PCDHGC5: variants seen among roughly 807,000 people sequenced by gnomAD.
The protein encoded by PCDHGC5 is protocadherin gamma subfamily C, 5, also known as protocadherin gamma-C5.
Under a neutral mutation model 59.0 loss-of-function variants are expected in PCDHGC5, and 25 were observed. The ratio of observed to expected loss-of-function variants is 0.42; its 90% CI spans 0.31 to 0.59. The LOEUF (loss-of-function observed/expected upper bound fraction) is 0.59, where lower values mean the gene tolerates loss of function less well. PCDHGC5 is among the 20% of genes least tolerant of loss of function. The pLI is 0.13. For synonymous variants in PCDHGC5, 434 were observed against 505.5 expected (o/e 0.86, Z 1.90); for missense variants, 1,067 against 1,206.4 (o/e 0.88, Z 1.71).
intron 1 of PCDHGC5, among the ~76,000 whole-genome samples, chr5:141,494,498 C>G (rs2099754760): frequency 6.6e-6 from 1 of 152,138 alleles, no homozygotes; most frequent in African/African-American, 2.4e-5. Flanking sequence ...GCCTTCAGTC[C>G]TTGAATTTTG....
At chr5:141,506,237 T>G (rs558256375) in intron 3 of PCDHGC5, among the ~76,000 whole-genome samples, 1 of 152,014 alleles carries the variant, frequency 6.6e-6, no homozygotes, top group South Asian at 2.1e-4. Flanking sequence ...GATCATGAGG[T>G]CAGGAGTTCG....
At chr5:141,506,308 G>A (rs941724820) in intron 3 of PCDHGC5, among the ~76,000 whole-genome samples, 8 of 152,100 alleles carry the variant, frequency 5.3e-5, no homozygotes. Flanking sequence ...AATTAGCTGG[G>A]CATGGTGGTG....
chr5:141,510,272 TAAA>T (rs546154379), intron 3 of PCDHGC5, among the ~76,000 whole-genome samples: 2 of 130,370 alleles, frequency 1.5e-5, no homozygotes, highest in Non-Finnish European at 3.3e-5. Context: ...GACTCCATCT[TAAA>T]AAAAAAAAAA....
chr5:141,510,359 T>A (rs1229932307), intron 3 of PCDHGC5, among the ~76,000 whole-genome samples: 3 of 143,318 alleles, frequency 2.1e-5, no homozygotes, highest in African/African-American at 7.7e-5. Flanking sequence ...CTAACGGAAC[T>A]ACCGAATCTC....
chr5:141,489,483 T>G lies in PCDHGC5; in HGVS notation c.243T>G (p.Ser81Arg). 1.9e-6 allele frequency: 3 copies of G among 1,613,980 alleles called. No individual in the cohort carries two copies. The highest frequency in any genetic ancestry group is 2.5e-6 in the Non-Finnish European group (3 of 1,180,008). ...NGRYFSLSLMSGALAVNQKID... is the reference protein window; with the variant it reads ...NGRYFSLSLMRGALAVNQKID... ...GCTATTTTTCCCTGAGCTTGATGAG[T>G]GGTGCCCTGGCAGTGAATCAAAAGA... Residue 81 changes from serine to arginine, a missense_variant, in exon 1 of 4, where the codon AGT becomes AGG. Ser to Arg is a moderately radical substitution (Grantham distance 110). Coordinates refer to ENST00000252087, the MANE Select transcript of PCDHGC5 (RefSeq NM_018929.3). This position sits in a 1 kb window ranked among gnomAD's most constrained non-coding sequence, Gnocchi z 4.5.
At chr5:141,504,340 G>C (rs1240423982) in intron 2 of PCDHGC5, among the ~76,000 whole-genome samples, 1 of 152,062 alleles carries the variant, frequency 6.6e-6, no homozygotes, top group Non-Finnish European at 1.5e-5. Flanking sequence ...CAAGTGCTAG[G>C]CTTTGTGCTA....
intron 1 of PCDHGC5, among the ~76,000 whole-genome samples, chr5:141,492,968 C>T: frequency 6.6e-6 from 1 of 152,240 alleles, no homozygotes; most frequent in East Asian, 1.9e-4. Flanking sequence ...GACACTCTAA[C>T]AAGTCCTGTC....
At chr5:141,509,376 C>A (rs2099876528) in intron 3 of PCDHGC5, among the ~76,000 whole-genome samples, 1 of 152,122 alleles carries the variant, frequency 6.6e-6, no homozygotes, top group African/African-American at 2.4e-5. Flanking sequence ...TTAACTGTCT[C>A]CTAACCACAG....
chr5:141,497,730 G>T (rs13182286), intron 2 of PCDHGC5, among the ~76,000 whole-genome samples: 247 of 152,136 alleles, frequency 1.6e-3, no homozygotes, highest in Non-Finnish European at 2.8e-3. Flanking sequence ...AGTAGAGATG[G>T]GTTTCGCCAC....
At chr5:141,504,502 G>A (rs2099838821) in intron 2 of PCDHGC5, among the ~76,000 whole-genome samples, 1 of 152,128 alleles carries the variant, frequency 6.6e-6, no homozygotes, top group Non-Finnish European at 1.5e-5. Context: ...CCCAGTCTGA[G>A]TGGATCTCCT....
At position 141,489,515 on chromosome 5, in the gene PCDHGC5, G is replaced by T; in HGVS notation, c.275G>T (p.Arg92Leu). ...GALAVNQKID[R>L]ESLCGASTSC... ...CTGGCAGTGAATCAAAAGATTGACC[G>T]AGAAAGCCTATGTGGAGCCAGCACC... Residue 92 changes from arginine to leucine, a missense_variant, in exon 1 of 4, where the codon CGA becomes CTA. Coordinates refer to ENST00000252087, the MANE Select transcript of PCDHGC5 (RefSeq NM_018929.3). This position sits in a 1 kb window ranked among gnomAD's most constrained non-coding sequence, Gnocchi z 4.5. 4.3e-6 allele frequency: 7 copies of T among 1,614,104 alleles called. No individual in the cohort carries two copies. Among genetic ancestry groups the T allele is most frequent in the Non-Finnish European group, 5.9e-6 (7 of 1,180,034 alleles).
At chr5:141,509,908 G>A (rs376035312) in intron 3 of PCDHGC5, among the ~76,000 whole-genome samples, 1 of 152,164 alleles carries the variant, frequency 6.6e-6, no homozygotes, top group African/African-American at 2.4e-5. Flanking sequence ...TCCAGCATGC[G>A]CTTAGGTACA....
At chr5:141,508,324 G>A (rs1668975090) in intron 3 of PCDHGC5, 1 of 151,252 alleles carries the variant, frequency 6.6e-6, no homozygotes, top group African/African-American at 2.4e-5. Flanking sequence ...GAGGGGCACT[G>A]GAGAACTGAC....
chr5:141,503,665 C>A (rs1210514896), intron 2 of PCDHGC5, among the ~76,000 whole-genome samples: 2 of 151,792 alleles, frequency 1.3e-5, no homozygotes, highest in African/African-American at 4.8e-5. Flanking sequence ...AATTACAACT[C>A]TTCCCACTTT....
chr5:141,495,735 T>C (rs1595351919), intron 2 of PCDHGC5, among the ~76,000 whole-genome samples: 1 of 152,044 alleles, frequency 6.6e-6, no homozygotes, highest in Admixed American at 6.5e-5. Context: ...CCTTAGTCTC[T>C]TTCTCCTTCT....
rs2233600 is a variant in PCDHGC5, at chr5:141,489,134, A to C, written c.-107A>C. 9,827 of 731,232 alleles carry C rather than the reference A, an allele frequency of 0.013. 1,099 individuals are homozygous for C. The East Asian group carries it at 0.25, about 19-fold the overall frequency. The allele number at this position is 731,232 out of a possible 1,614,324, so 45.3% of individuals were successfully genotyped here. A position where few individuals can be genotyped will look rare whatever the true frequency, so the allele number is the denominator to read the frequency against. Reference sequence around the variant, plus strand: ...GGCAAACCTCCGAGCAGTTTTTAAGAGGCTGGAAGGAGACATAAGAGACTT... The same window carrying C: ...GGCAAACCTCCGAGCAGTTTTTAAGCGGCTGGAAGGAGACATAAGAGACTT... On this transcript the variant is annotated 5_prime_UTR_variant, in exon 1 of 4. Transcript: ENST00000252087. The surrounding 1 kb of genome is among the most constrained non-coding windows in gnomAD (Gnocchi z 4.5).
rs1353509218 is a variant in PCDHGC5, at chr5:141,512,908, TTTATACTC to T, written c.*1737_*1744del. ...CCCTCTTCCTGTGTCTCACGCAAGTTTTATACTCTAATATTTATATGGCTTTTTTTCTT... is the reference window on the plus strand; with the variant it reads ...CCCTCTTCCTGTGTCTCACGCAAGTTTAATATTTATATGGCTTTTTTTCTT... On this transcript the variant is annotated 3_prime_UTR_variant, in exon 4 of 4. Transcript: ENST00000252087. 6.6e-6 allele frequency: 1 copy of T among 152,268 alleles called. No individual in the cohort carries two copies. Among genetic ancestry groups the T allele is most frequent in the Non-Finnish European group, 1.5e-5 (1 of 68,054 alleles). 9.4% of individuals were successfully genotyped at this position (152,268 alleles called of 1,614,324 possible).
rs1369821635 is a variant in PCDHGC5, at chr5:141,512,208, G to T, written c.*1035G>T. ...TTCAGTCCAAGGAAGCTCGAAGCAG[G>T]TTTAGGACCAGGTCCCCTTGAGAGG... On this transcript the variant is annotated 3_prime_UTR_variant, in exon 4 of 4. Coordinates refer to ENST00000252087, the MANE Select transcript of PCDHGC5 (RefSeq NM_018929.3). 6.5e-6 allele frequency: 1 copy of T among 152,758 alleles called. No homozygotes were observed. The highest frequency in any genetic ancestry group is 2.4e-5 in the African/African-American group (1 of 41,454). The allele number at this position is 152,758 out of a possible 1,614,324, so 9.5% of individuals were successfully genotyped here.
rs553462245 is a variant in PCDHGC5 at position 141,511,198 on chromosome 5, A to T, written c.*25A>T. Reference sequence around the variant, plus strand: ...ACATGGAGGCCAGGCCAAGAGCCACAGGGCGGCCTCTCCCCAACCAGCCCA... The same window carrying T: ...ACATGGAGGCCAGGCCAAGAGCCACTGGGCGGCCTCTCCCCAACCAGCCCA... On this transcript the variant is annotated 3_prime_UTR_variant, in exon 4 of 4. Transcript: ENST00000252087. The T allele has an allele frequency of 2.7e-5, 43 of 1,612,954 alleles. 1 individual carries two copies. The South Asian group carries it at 4.5e-4, about 17-fold the overall frequency.
Sources: gnomAD v4.1 joint callset for allele counts (sites outside exome capture counted in the v4.1 genomes callset) on GRCh38, gnomAD v4.1.1 for gene constraint, Gnocchi (gnomAD v3.1) non-coding constraint, MANE v1.5 for transcripts, NCBI Gene and HGNC (gene_info 2026-07-23, HGNC 2026-07-21) for gene names.